The following FNDC3A variants were observed in gnomAD, a reference collection of about 807,000 sequenced individuals.
FNDC3A encodes the protein fibronectin type-III domain-containing protein 3A.
In FNDC3A, 32 loss-of-function variants were observed where a neutral mutation model predicts 148.9. The observed-to-expected ratio is 0.21, with a 90% CI of 0.16 to 0.29. The LOEUF (loss-of-function observed/expected upper bound fraction) is 0.29, where lower values mean the gene tolerates loss of function less well. Ranked by LOEUF, FNDC3A falls within the 10% of genes least tolerant of loss-of-function variation. The pLI, the probability that FNDC3A is intolerant of heterozygous loss-of-function variation, is 1.00. For synonymous variants in FNDC3A, 472 were observed against 473.6 expected, an observed-to-expected ratio of 1.00 and a Z score of 0.04; for missense variants, 1,191 against 1,452.8, an observed-to-expected ratio of 0.82 and a Z score of 2.93.
intron 1 of FNDC3A, among the ~76,000 whole-genome samples, chr13:48,978,109 C>T (rs1315298926): frequency 6.6e-6 from 1 of 151,962 alleles, no homozygotes; most frequent in Non-Finnish European, 1.5e-5. Flanking sequence ...CTTTTGGTGA[C>T]GTCTGTGTCT....
At chr13:49,083,881 TC>T (rs1351963374) in intron 3 of FNDC3A, among the ~76,000 whole-genome samples, 1 of 152,240 alleles carries the variant, frequency 6.6e-6, no homozygotes, top group East Asian at 1.9e-4. Context: ...TTAGGTGAAT[TC>T]CAGCAGTTAT....
intron 8 of FNDC3A, among the ~76,000 whole-genome samples, chr13:49,155,304 G>T (rs1479561748): frequency 6.6e-6 from 1 of 151,348 alleles, no homozygotes; most frequent in Non-Finnish European, 1.5e-5. Context: ...GTTTATTTGC[G>T]TAGAGGTGTT....
Position 49,207,597 on chromosome 13 carries a change from G to T in FNDC3A, c.*202G>T. 2.1e-5 allele frequency: 9 copies of T among 431,368 alleles called. No homozygotes were observed. Among genetic ancestry groups the T allele is most frequent in the South Asian group, 1.0e-4 (2 of 19,558 alleles). 26.7% of individuals were successfully genotyped at this position (431,368 alleles called of 1,614,324 possible). A position where few individuals can be genotyped will look rare whatever the true frequency, so the allele number is the denominator to read the frequency against. On this transcript the variant is annotated 3_prime_UTR_variant, in exon 26 of 26. Transcript: ENST00000492622. ...TGCAAGCCACAAAAATATCAATTTT[G>T]TTTTTTTTGTTAGGGTGGGTCTTCT...
intron 4 of FNDC3A, among the ~76,000 whole-genome samples, chr13:49,119,721 A>G (rs1427035744): frequency 6.6e-6 from 1 of 151,930 alleles, no homozygotes; most frequent in African/African-American, 2.4e-5. Flanking sequence ...AAATCAATCA[A>G]GCAGAAGAAA....
At chr13:49,037,931 A>G (rs185816630) in intron 2 of FNDC3A, among the ~76,000 whole-genome samples, 1 of 152,320 alleles carries the variant, frequency 6.6e-6, no homozygotes, top group African/African-American at 2.4e-5. Flanking sequence ...CTTGGCACCC[A>G]GGTTCTTGTG....
At chr13:49,200,274 C>T (rs1886362654) in intron 23 of FNDC3A, among the ~76,000 whole-genome samples, 1 of 152,110 alleles carries the variant, frequency 6.6e-6, no homozygotes, top group Non-Finnish European at 1.5e-5. Context: ...ATCAGAAATA[C>T]TTATACATTT....
chr13:49,110,330 A>G lies in FNDC3A; in HGVS notation c.176-4325A>G, dbSNP rs546681248. 14 of 1,574,016 alleles carry G rather than the reference A, an allele frequency of 8.9e-6. No homozygotes were observed. The East Asian group carries it at 1.6e-4, about 18-fold the overall frequency. ...AAAAAAAAAGCCGTTCTCCAATTAA[A>G]GCTGTTAACGTGTACTACGCTGTTT... On this transcript the variant is annotated intron_variant, in intron 3 of 25. Coordinates refer to ENST00000492622, the MANE Select transcript of FNDC3A (RefSeq NM_001079673.2).
intron 3 of FNDC3A, among the ~76,000 whole-genome samples, chr13:49,097,976 C>A (rs1879637890): frequency 6.6e-6 from 1 of 151,942 alleles, no homozygotes; most frequent in Non-Finnish European, 1.5e-5. Flanking sequence ...ATATAAAATG[C>A]TTAATAAATG....
intron 3 of FNDC3A, among the ~76,000 whole-genome samples, chr13:49,094,169 A>G (rs543370354): frequency 6.6e-6 from 1 of 152,186 alleles, no homozygotes; most frequent in East Asian, 1.9e-4. Flanking sequence ...ACTTTTTTGG[A>G]AAGAAATCTT....
At chr13:49,115,190 G>C (rs1184493558) in intron 4 of FNDC3A, among the ~76,000 whole-genome samples, 2 of 126,004 alleles carry the variant, frequency 1.6e-5, no homozygotes, top group Non-Finnish European at 3.3e-5. Flanking sequence ...ATGAGGGGGG[G>C]GGGGAAATAA....
At chr13:49,071,061 CTTTTTTTT>C (rs35935869) in intron 2 of FNDC3A, among the ~76,000 whole-genome samples, 1 of 84,726 alleles carries the variant, frequency 1.2e-5, no homozygotes, top group Non-Finnish European at 2.1e-5. Flanking sequence ...CCCATGCCGG[CTTTTTTTT>C]TTTTTTTTTT....
intron 3 of FNDC3A, among the ~76,000 whole-genome samples, chr13:49,081,727 T>C (rs1840097929): frequency 6.6e-6 from 1 of 152,210 alleles, no homozygotes; most frequent in Non-Finnish European, 1.5e-5. Context: ...AAGTGGCTTC[T>C]ACAAAAACAA....
At chr13:49,189,919 C>G (rs897055142) in intron 17 of FNDC3A, among the ~76,000 whole-genome samples, 2 of 152,152 alleles carry the variant, frequency 1.3e-5, no homozygotes, top group African/African-American at 4.8e-5. Context: ...CAGAGTCTCA[C>G]TCTGTTGCCC....
intron 2 of FNDC3A, among the ~76,000 whole-genome samples, chr13:49,038,709 T>G (rs967799661): frequency 2.6e-5 from 4 of 152,240 alleles, no homozygotes; most frequent in African/African-American, 9.6e-5. Context: ...ACTAAATCCT[T>G]CACCAAGTTT....
chr13:49,164,480 T>G (rs573898217), intron 8 of FNDC3A, among the ~76,000 whole-genome samples: 1 of 152,314 alleles, frequency 6.6e-6, no homozygotes, highest in Admixed American at 6.5e-5. Context: ...TCAGCTATTA[T>G]TTTGTTGAGT....
At chr13:49,121,289 GA>G (rs1479048541) in intron 4 of FNDC3A, among the ~76,000 whole-genome samples, 1 of 152,158 alleles carries the variant, frequency 6.6e-6, no homozygotes, top group East Asian at 1.9e-4. Context: ...GATGTTCTTT[GA>G]AACCAATGAG....
At chr13:49,092,085 C>T (rs1292869695) in intron 3 of FNDC3A, among the ~76,000 whole-genome samples, 1 of 152,212 alleles carries the variant, frequency 6.6e-6, no homozygotes, top group Non-Finnish European at 1.5e-5. Flanking sequence ...CTATGGGGGC[C>T]TGCCAAAGGC....
At chr13:49,144,474 G>C (rs1006303012) in intron 7 of FNDC3A, among the ~76,000 whole-genome samples, 7 of 152,114 alleles carry the variant, frequency 4.6e-5, no homozygotes, top group Non-Finnish European at 7.4e-5. Flanking sequence ...AGGAGTAATT[G>C]TCATCCTAGT....
chr13:49,004,677 C>G (rs1395013956), intron 1 of FNDC3A, among the ~76,000 whole-genome samples: 1 of 151,778 alleles, frequency 6.6e-6, no homozygotes, highest in African/African-American at 2.4e-5. Context: ...TAATGGCGGC[C>G]TGCAGTTTTA....
Sources: gnomAD v4.1 joint callset for allele counts (sites outside exome capture counted in the v4.1 genomes callset) on GRCh38, gnomAD v4.1.1 for gene constraint, MANE v1.5 for transcripts, NCBI Gene and HGNC (gene_info 2026-07-23, HGNC 2026-07-21) for gene names.